Variants in APBB1 observed in about 807,000 individuals in gnomAD.
The protein encoded by APBB1 is amyloid beta precursor protein binding family B member 1.
Under a neutral mutation model 78.4 loss-of-function variants are expected in APBB1, and 22 were observed. The ratio of observed to expected loss-of-function variants is 0.28; its 90% CI spans 0.20 to 0.40. APBB1 has a LOEUF of 0.40. APBB1 is among the 10% of genes least tolerant of loss of function. The pLI, the probability that APBB1 is intolerant of heterozygous loss-of-function variation, is 1.00. For synonymous variants in APBB1, 369 were observed against 372.7 expected, an observed-to-expected ratio of 0.99 and a Z score of 0.12; for missense variants, 749 against 932.4, an observed-to-expected ratio of 0.80 and a Z score of 2.56.
chr11:6,402,698 C>A lies in APBB1; in HGVS notation c.1132G>T (p.Val378Leu). Residue 378 changes from valine to leucine, a missense_variant, in exon 7 of 15, where the codon GTA becomes TTA. By Grantham distance (32) the Val-to-Leu change is conservative. Coordinates refer to ENST00000609360, the MANE Select transcript of APBB1 (RefSeq NM_001164.5). ...GCCAGCTCCTCCTCGGTCATCTCTACCCAGCCTAGGGAGCGCACGGCGAAA... is the reference window on the plus strand; with the variant it reads ...GCCAGCTCCTCCTCGGTCATCTCTAACCAGCCTAGGGAGCGCACGGCGAAA... ...KCFAVRSLGW[V>L]EMTEEELAPG... The A allele has an allele frequency of 5.0e-6, 8 of 1,614,154 alleles. No individual in the cohort carries two copies. The highest frequency in any genetic ancestry group is 6.8e-6 in the Non-Finnish European group (8 of 1,180,020).
chr11:6,419,409 G>T (rs1370816943), upstream of APBB1: 1 of 171,696 alleles, frequency 5.8e-6, no homozygotes, highest in Non-Finnish European at 1.2e-5. Context: ...CGGGGCTGGA[G>T]CCCGAATGGC....
chr11:6,396,151 G>T lies in APBB1; in HGVS notation c.1737C>A (p.Thr579=), dbSNP rs1363355004. 2 of 1,553,350 alleles carry T rather than the reference G, an allele frequency of 1.3e-6. No homozygotes were observed. Among genetic ancestry groups the T allele is most frequent in the Non-Finnish European group, 1.7e-6 (2 of 1,148,056 alleles). The change falls in exon 13 of 15, where the codon ACC becomes ACA. Residue 579 remains threonine, a synonymous_variant. Coordinates refer to ENST00000609360, the MANE Select transcript of APBB1 (RefSeq NM_001164.5). ...VLSSSSREQW[T]PSHVSVAPAT... The stretch of plus-strand genomic sequence containing the variant: ...CAGGGGCCACACTGACATGACTTGG[G>T]GTCCATTGTTCACGGCTGCTGGAGG...
rs1848939012 is a variant in APBB1, at chr11:6,410,797, T to C, written c.551A>G (p.Glu184Gly). The C allele has an allele frequency of 6.2e-7, 1 of 1,612,710 alleles. No homozygotes were observed. Among genetic ancestry groups the C allele is most frequent in the African/African-American group, 1.3e-5 (1 of 74,898 alleles). Residue 184 changes from glutamate (E) to glycine (G), a missense_variant, in exon 2 of 15, where the codon GAG becomes GGG. Around this residue, in one of 3 missense-constraint regions of APBB1, gnomAD observed 635 missense variants for 765.0 expected, o/e 0.83. Transcript: ENST00000609360. ...SSPPGLPEPLESVEAPPRPQA... is the reference protein window; with the variant it reads ...SSPPGLPEPLGSVEAPPRPQA... Reference sequence around the variant, plus strand: ...GGGCCTGGGAGGGGCCTCCACACTCTCCAGGGGCTCAGGCAGCCCTGGGGG... The same window carrying C: ...GGGCCTGGGAGGGGCCTCCACACTCCCCAGGGGCTCAGGCAGCCCTGGGGG...
intron 2 of APBB1, among the ~76,000 whole-genome samples, chr11:6,409,639 T>C (rs1848908719): frequency 6.6e-6 from 1 of 151,772 alleles, no homozygotes; most frequent in Non-Finnish European, 1.5e-5. Flanking sequence ...GTTTGGGGTA[T>C]GGGTATTGTG....
intron 1 of APBB1, among the ~76,000 whole-genome samples, chr11:6,418,095 G>A (rs1000467816): frequency 3.3e-5 from 5 of 152,162 alleles, no homozygotes; most frequent in Admixed American, 2.6e-4. Context: ...AAGACAGCTC[G>A]GGACAGAGCC....
chr11:6,416,634 G>C (rs543241313), intron 1 of APBB1, among the ~76,000 whole-genome samples: 1 of 152,106 alleles, frequency 6.6e-6, no homozygotes, highest in Non-Finnish European at 1.5e-5. Flanking sequence ...CACTTGCTAT[G>C]TTCAATCCAT....
intron 12 of APBB1, among the ~76,000 whole-genome samples, chr11:6,399,925 C>A (rs146471078): frequency 6.7e-6 from 1 of 149,320 alleles, no homozygotes; most frequent in East Asian, 2.0e-4. Flanking sequence ...TGACCGCATT[C>A]ACTTCTACTT....
rs779065276 is a variant in APBB1 at position 6,403,201 on chromosome 11, G to C, written c.1048C>G (p.Pro350Ala). The change falls in exon 6 of 15, where the codon CCG becomes GCG. Residue 350 changes from proline (P) to alanine (A), a missense_variant. By Grantham distance (27) the Pro-to-Ala change is conservative. Around this residue, in one of 3 missense-constraint regions of APBB1, gnomAD observed 635 missense variants for 765.0 expected, o/e 0.83. Coordinates refer to ENST00000609360, the MANE Select transcript of APBB1 (RefSeq NM_001164.5). This position sits in a 1 kb window ranked among gnomAD's most constrained non-coding sequence, Gnocchi z 5.3. ...TFPAQSLSPE[P>A]LPQEEEKLPP... is the part of the protein sequence containing the mutation. The stretch of plus-strand genomic sequence containing the variant: ...AGCTTCTCCTCCTCTTGGGGCAACG[G>C]CTCTGGGCTGAAGGCAGATGGTAAT... The C allele has an allele frequency of 6.2e-7, 1 of 1,613,300 alleles. No individual in the cohort carries two copies.
Position 6,406,858 on chromosome 11 carries a change from C to T in APBB1, c.722-3036G>A, listed in dbSNP as rs112545488. ...ACTTCCCCAGCCCCAGAGAGCTCAT[C>T]GCACTGATCATAACCACTTGTTTCT... On this transcript the variant is annotated intron_variant, in intron 2 of 14. Coordinates refer to ENST00000609360, the MANE Select transcript of APBB1 (RefSeq NM_001164.5). Among the ~76,000 whole-genome samples the T allele has an allele frequency of 1.1e-3, 165 of 152,324 alleles. 3 individuals are homozygous for T. Among genetic ancestry groups the T allele is most frequent in the African/African-American group, 3.6e-3 (150 of 41,572 alleles).
chr11:6,396,532 C>T (rs777035301), intron 12 of APBB1: 15 of 333,784 alleles, frequency 4.5e-5, no homozygotes, highest in South Asian at 1.9e-4. Flanking sequence ...GCTCTCTCAG[C>T]GCTCATCACA....
intron 12 of APBB1, among the ~76,000 whole-genome samples, chr11:6,399,552 C>T (rs1344265892): frequency 6.6e-6 from 1 of 152,200 alleles, no homozygotes; most frequent in Non-Finnish European, 1.5e-5. Flanking sequence ...TCTTCAGCTC[C>T]ATTGTTGCCC....
intron 2 of APBB1, chr11:6,405,109 T>C: frequency 1.3e-5 from 18 of 1,334,550 alleles, no homozygotes; most frequent in Non-Finnish European, 1.7e-5. Flanking sequence ...ATCCTGAATC[T>C]CCATCCCACC....
chr11:6,401,559 T>C lies in APBB1; in HGVS notation c.1503+15A>G. The C allele has an allele frequency of 1.2e-6, 2 of 1,613,570 alleles. No homozygotes were observed. The highest frequency in any genetic ancestry group is 2.2e-5 in the South Asian group (2 of 91,052). On this transcript the variant is annotated intron_variant, in intron 10 of 14. Transcript: ENST00000609360. The surrounding 1 kb of genome is among the most constrained non-coding windows in gnomAD (Gnocchi z 4.5). ...CAAAGGTGGCAACTAGTCCAGGGAGTGGAGGGGGCCGTGCCTTAGAGCAGA... is the reference window on the plus strand; with the variant it reads ...CAAAGGTGGCAACTAGTCCAGGGAGCGGAGGGGGCCGTGCCTTAGAGCAGA...
Position 6,414,103 on chromosome 11 carries a change from G to A in APBB1, c.-14-2742C>T, listed in dbSNP as rs986582767. ...AGACACCCAAGAGCCCTCTTAAGCC[G>A]GCCTCTATAACCTGTCAGTCCCCTC... On this transcript the variant is annotated intron_variant, in intron 1 of 14. Transcript: ENST00000609360. Among the ~76,000 whole-genome samples the A allele has an allele frequency of 1.2e-4, 18 of 151,810 alleles. No homozygotes were observed. The East Asian group carries it at 2.5e-3, about 21-fold the overall frequency.
chr11:6,403,232 G>A lies in APBB1; in HGVS notation c.1041-24C>T. 6.2e-7 allele frequency: 1 copy of A among 1,611,800 alleles called. No homozygotes were observed. Among genetic ancestry groups the A allele is most frequent in the Non-Finnish European group, 8.5e-7 (1 of 1,178,952 alleles). On this transcript the variant is annotated intron_variant, in intron 5 of 14. Transcript: ENST00000609360. The surrounding 1 kb of genome is among the most constrained non-coding windows in gnomAD (Gnocchi z 5.3). ...GGCTGAAGGCAGATGGTAATACTTG[G>A]CACAGGGCTCCCATAAATGGAGCTG... is the stretch of plus-strand genomic sequence containing the variant.
chr11:6,404,766 T>A, intron 2 of APBB1: 3 of 1,536,228 alleles, frequency 2.0e-6, no homozygotes, highest in Non-Finnish European at 2.6e-6. Context: ...TCCTGCAGGA[T>A]AATGGCCAGG....
chr11:6,403,015 G>T lies in APBB1; in HGVS notation c.1104+130C>A. The stretch of plus-strand genomic sequence containing the variant: ...CTCCAGCTCAGACACAGGGCTCTGT[G>T]CTGAGACTGGAAGAACTCCTAACTC... On this transcript the variant is annotated intron_variant, in intron 6 of 14. Coordinates refer to ENST00000609360, the MANE Select transcript of APBB1 (RefSeq NM_001164.5). This position sits in a 1 kb window ranked among gnomAD's most constrained non-coding sequence, Gnocchi z 5.3. The T allele has an allele frequency of 2.1e-6, 2 of 948,506 alleles. No homozygotes were observed. The highest frequency in any genetic ancestry group is 3.2e-6 in the Non-Finnish European group (2 of 627,342). 58.8% of individuals were successfully genotyped at this position (948,506 alleles called of 1,614,324 possible). A position where few individuals can be genotyped will look rare whatever the true frequency, so the allele number is the denominator to read the frequency against.
intron 2 of APBB1, 125 bp downstream of exon 2, chr11:6,410,502 T>C (rs1284055975): frequency 7.9e-6 from 6 of 755,538 alleles, no homozygotes; most frequent in Non-Finnish European, 1.2e-5. Flanking sequence ...AGCCTGGACA[T>C]GGCCTGCTGT....
At chr11:6,415,229 G>T (rs1257502865) in intron 1 of APBB1, among the ~76,000 whole-genome samples, 1 of 152,170 alleles carries the variant, frequency 6.6e-6, no homozygotes, top group African/African-American at 2.4e-5. Flanking sequence ...GTTGGGCAGG[G>T]GCCTCGGGGC....
Sources: allele counts gnomAD v4.1 joint callset (sites outside exome capture counted in the v4.1 genomes callset), GRCh38; gene constraint gnomAD v4.1.1; regional missense constraint gnomAD v4.1.1; non-coding constraint Gnocchi (gnomAD v3.1); transcripts MANE v1.5; gene names NCBI Gene and HGNC (gene_info 2026-07-23, HGNC 2026-07-21).